FCHO1: variants seen among roughly 807,000 people sequenced by gnomAD.
The protein encoded by FCHO1 is FCH and mu domain containing endocytic adaptor 1.
Under a neutral mutation model 114.4 loss-of-function variants are expected in FCHO1, and 45 were observed. The ratio of observed to expected loss-of-function variants is 0.39; its 90% CI spans 0.31 to 0.50. FCHO1 has a LOEUF of 0.50. Ranked by LOEUF, FCHO1 falls within the 20% of genes least tolerant of loss-of-function variation. The pLI is 0.77. For missense variants in FCHO1, 1,042 were observed against 1,209.6 expected, an observed-to-expected ratio of 0.86 and a Z score of 2.06; for synonymous variants, 480 against 488.9, an observed-to-expected ratio of 0.98 and a Z score of 0.24.
At chr19:17,787,057 C>G (rs1367596238) in intron 27 of FCHO1, among the ~76,000 whole-genome samples, 4 of 151,514 alleles carry the variant, frequency 2.6e-5, no homozygotes, top group Admixed American at 6.6e-5. Flanking sequence ...AACCCTGTCT[C>G]TACTAAAAAT....
At chr19:17,779,947 G>A (rs2093200455) in intron 20 of FCHO1, among the ~76,000 whole-genome samples, 3 of 151,942 alleles carry the variant, frequency 2.0e-5, no homozygotes, top group African/African-American at 7.3e-5. Flanking sequence ...GAGGACAGCA[G>A]GAGATGGGGG....
At chr19:17,758,273 G>A (rs2084599960) in intron 4 of FCHO1, among the ~76,000 whole-genome samples, 5 of 152,138 alleles carry the variant, frequency 3.3e-5, no homozygotes. Context: ...AGTGAAGTGG[G>A]GGAGGGGGTT....
intron 20 of FCHO1, among the ~76,000 whole-genome samples, chr19:17,780,079 C>T (rs1276252923): frequency 6.6e-6 from 1 of 151,816 alleles, no homozygotes; most frequent in African/African-American, 2.4e-5. Context: ...TCCTGGCACC[C>T]TCCATAGGAA....
intron 11 of FCHO1, 41 bp downstream of exon 11, chr19:17,772,782 C>T: frequency 9.8e-6 from 14 of 1,422,698 alleles, no homozygotes; most frequent in Non-Finnish European, 1.4e-5. Flanking sequence ...TTCGGGGCCA[C>T]AGCTGCAGAC....
At position 17,776,916 on chromosome 19, in the gene FCHO1, GCCT is replaced by G. The variant is rs1374122305; in HGVS notation, c.1259+234_1259+236del. ...GAGTTCAAGCGATTTTCATGCCTCAGCCTCCTAAGTAGCTGAGATTACAGGCAC... is the reference window on the plus strand; with the variant it reads ...GAGTTCAAGCGATTTTCATGCCTCAGCCTAAGTAGCTGAGATTACAGGCAC... On this transcript the variant is annotated intron_variant, in intron 18 of 28. Transcript: ENST00000596536. This position sits in a 1 kb window ranked among gnomAD's most constrained non-coding sequence, Gnocchi z 4.4. Among the ~76,000 whole-genome samples, 2 of 152,034 alleles carry G rather than the reference GCCT, an allele frequency of 1.3e-5. No individual in the cohort carries two copies. The highest frequency in any genetic ancestry group is 3.9e-4 in the East Asian group (2 of 5,148).
At position 17,775,728 on chromosome 19, in the gene FCHO1, A is replaced by AG. The variant is rs1361084584; in HGVS notation, c.1003+220dup. Among the ~76,000 whole-genome samples, 1 of 148,402 alleles carries AG rather than the reference A, an allele frequency of 6.7e-6. No individual in the cohort carries two copies. The highest frequency in any genetic ancestry group is 1.5e-5 in the Non-Finnish European group (1 of 67,476). On this transcript the variant is annotated intron_variant, in intron 15 of 28. Coordinates refer to ENST00000596536, the MANE Select transcript of FCHO1 (RefSeq NM_015122.3). The surrounding 1 kb of genome is among the most constrained non-coding windows in gnomAD (Gnocchi z 5.1). ...GAGATCTAGCAGGGCTTCCTGGAGG[A>AG]GGGGGCACCAGTGTTGGGGTTTTGC...
chr19:17,756,095 C>T (rs771412141), intron 4 of FCHO1, among the ~76,000 whole-genome samples: 1 of 152,218 alleles, frequency 6.6e-6, no homozygotes, highest in South Asian at 2.1e-4. Flanking sequence ...GTGAGGAAGC[C>T]TGTTGCTAGG....
chr19:17,778,408 C>T lies in FCHO1; in HGVS notation c.1351+180C>T, dbSNP rs554623952. On this transcript the variant is annotated intron_variant, in intron 19 of 28. Transcript: ENST00000596536. ...GGCCATAGATAGGGTGGGGCCTTGGCCAGTGGGCGGTGACTGAGTGGATGG... is the reference window on the plus strand; with the variant it reads ...GGCCATAGATAGGGTGGGGCCTTGGTCAGTGGGCGGTGACTGAGTGGATGG... 2.7e-5 allele frequency: 21 copies of T among 766,916 alleles called. No individual in the cohort carries two copies. In the East Asian group the frequency reaches 5.4e-4, roughly 20 times the overall value. The allele number at this position is 766,916 out of a possible 1,614,324, so 47.5% of individuals were successfully genotyped here. A position where few individuals can be genotyped will look rare whatever the true frequency, so the allele number is the denominator to read the frequency against.
chr19:17,763,086 C>A (rs2087024289), intron 5 of FCHO1, among the ~76,000 whole-genome samples: 2 of 151,992 alleles, frequency 1.3e-5, no homozygotes, highest in Non-Finnish European at 1.5e-5. Flanking sequence ...GATGATATAA[C>A]CTACTCAAGG....
At chr19:17,786,361 A>AACACACACAC (rs4007691) in intron 26 of FCHO1, among the ~76,000 whole-genome samples, 4 of 149,002 alleles carry the variant, frequency 2.7e-5, no homozygotes, top group African/African-American at 1.0e-4. Context: ...ACACAAAACA[A>AACACACACAC]ACACACACAC....
chr19:17,786,563 T>C lies in FCHO1; in HGVS notation c.2427-11T>C, dbSNP rs1488341414. ...CTGGGGAAGCCCTGATTAAGATTCT[T>C]TCTCTGCCAGGAACCTGGAGGAGAA... On this transcript the variant is annotated splice_polypyrimidine_tract_variant and intron_variant, in intron 26 of 28. Transcript: ENST00000596536. The C allele has an allele frequency of 1.2e-6, 2 of 1,612,390 alleles. No homozygotes were observed. The highest frequency in any genetic ancestry group is 2.7e-5 in the African/African-American group (2 of 74,746).
rs148025294 is a variant in FCHO1 at position 17,764,411 on chromosome 19, G to A, written c.156G>A (p.Ala52=). ...TIEETYSKAM[A]KLSKLASNGT... ...AGGAGACCTACTCGAAGGCGATGGC[G>A]AAACTCTCCAAGCTGGCCAGCAACG... The change falls in exon 6 of 29, where the codon GCG becomes GCA. Residue 52 remains alanine (A), a synonymous_variant. Transcript: ENST00000596536. 54 of 1,613,472 alleles carry A rather than the reference G, an allele frequency of 3.3e-5. No homozygotes were observed. The highest frequency in any genetic ancestry group is 4.5e-5 in the East Asian group (2 of 44,878).
chr19:17,758,873 C>A lies in FCHO1; in HGVS notation c.27+3682C>A, dbSNP rs183384341. 1.6e-4 allele frequency: 24 copies of A among 152,242 alleles called. 1 individual carries two copies. Among genetic ancestry groups the A allele is most frequent in the African/African-American group, 5.8e-4 (24 of 41,536 alleles). 9.4% of individuals were successfully genotyped at this position (152,242 alleles called of 1,614,324 possible). On this transcript the variant is annotated intron_variant, in intron 4 of 28. Coordinates refer to ENST00000596536, the MANE Select transcript of FCHO1 (RefSeq NM_015122.3). ...GCTGTGGTTCCAGCTACTTGGGAGG[C>A]TGGGGTGGGAGGATCTCTTGAGCCC...
At chr19:17,763,862 C>T (rs537999198) in intron 5 of FCHO1, among the ~76,000 whole-genome samples, 1 of 151,944 alleles carries the variant, frequency 6.6e-6, no homozygotes, top group East Asian at 1.9e-4. Flanking sequence ...CATGCCCAGC[C>T]TACTACTGTT....
At position 17,776,100 on chromosome 19, in the gene FCHO1, A is replaced by G. The variant is rs777661373; in HGVS notation, c.1121A>G (p.Glu374Gly). ...GCCCGGGCTCCAGCCTGCAGCCCCG[A>G]GGCAGCAGCGGCACAGCTCAGGGCC... The part of the protein sequence containing the change: ...APARAPACSP[E>G]AAAAQLRATA... Residue 374 changes from glutamate to glycine, a missense_variant, in exon 16 of 29, where the codon GAG becomes GGG. Transcript: ENST00000596536. This position sits in a 1 kb window ranked among gnomAD's most constrained non-coding sequence, Gnocchi z 4.4. 1 of 1,612,664 alleles carries G rather than the reference A, an allele frequency of 6.2e-7. No homozygotes were observed. The highest frequency in any genetic ancestry group is 8.5e-7 in the Non-Finnish European group (1 of 1,179,894).
At chr19:17,765,717 G>A (rs2088690026) in intron 6 of FCHO1, among the ~76,000 whole-genome samples, 1 of 151,762 alleles carries the variant, frequency 6.6e-6, no homozygotes, top group Non-Finnish European at 1.5e-5. Flanking sequence ...GTGGTCCCCC[G>A]ATGGCATTTG....
chr19:17,783,898 G>A (rs1175910133), intron 24 of FCHO1, among the ~76,000 whole-genome samples: 1 of 152,200 alleles, frequency 6.6e-6, no homozygotes, highest in Non-Finnish European at 1.5e-5. Flanking sequence ...GGGATTTGCT[G>A]TGTGGCGTGG....
chr19:17,781,848 G>C, intron 23 of FCHO1, 28 bp downstream of exon 23: 1 of 1,479,866 alleles, frequency 6.8e-7, no homozygotes, highest in Non-Finnish European at 9.2e-7. Flanking sequence ...GACAGGGCCC[G>C]TGGGAAGTCT....
chr19:17,762,290 A>G (rs1489948064), intron 4 of FCHO1, among the ~76,000 whole-genome samples: 1 of 120,182 alleles, frequency 8.3e-6, no homozygotes, highest in Non-Finnish European at 1.8e-5. Context: ...CCAGCTCAAC[A>G]CACTTTTTTT....
Sources: gnomAD v4.1 joint callset for allele counts (sites outside exome capture counted in the v4.1 genomes callset) on GRCh38, gnomAD v4.1.1 for gene constraint, Gnocchi (gnomAD v3.1) non-coding constraint, MANE v1.5 for transcripts, NCBI Gene and HGNC (gene_info 2026-07-23, HGNC 2026-07-21) for gene names.